ZNF808: variants seen among roughly 807,000 people sequenced by gnomAD.
ZNF808 encodes zinc finger protein 808.
ZNF808 carries 5 observed loss-of-function variants against 8.7 expected under a neutral mutation model. That is an observed-to-expected ratio of 0.58 (90% CI 0.30 to 1.21). The LOEUF (loss-of-function observed/expected upper bound fraction) is 1.21. Ranked by LOEUF, ZNF808 falls within the 50% of genes most tolerant of loss-of-function variation. The pLI is 0.07. For synonymous variants in ZNF808, 380 were observed against 366.0 expected (o/e 1.04, Z -0.44); for missense variants, 1,103 against 1,098.4 (o/e 1.00, Z -0.06).
At chr19:52,536,769 G>C (rs2633513) in intron 2 of ZNF808, among the ~76,000 whole-genome samples, 50,035 of 151,854 alleles carry the variant, frequency 0.33, 8,916 homozygotes, top group East Asian at 0.52. Context: ...CTAGAGAGTG[G>C]GGACAGGGGG....
In ZNF808 at chr19:52,543,280, G is replaced by A. The variant is rs759016359; in HGVS notation, c.-5G>A. 2.5e-6 allele frequency: 4 copies of A among 1,613,528 alleles called. No individual in the cohort carries two copies. The East Asian group carries it at 8.9e-5, about 36-fold the overall frequency. On this transcript the variant is annotated 5_prime_UTR_variant, in exon 3 of 5. Coordinates refer to ENST00000359798, the MANE Select transcript of ZNF808 (RefSeq NM_001039886.4). Reference sequence around the variant, plus strand: ...TTCACATACAGGATTGATTTCTAAAGACTCATGTTACGTGAGGAAGCAGCT... The same window carrying A: ...TTCACATACAGGATTGATTTCTAAAAACTCATGTTACGTGAGGAAGCAGCT...
At chr19:52,536,921 T>C (rs2059617952) in intron 2 of ZNF808, among the ~76,000 whole-genome samples, 1 of 152,156 alleles carries the variant, frequency 6.6e-6, no homozygotes. Context: ...GCGCTTTGGC[T>C]CATGCCTGTA....
chr19:52,528,648 G>A (rs1029017144), intron 1 of ZNF808, among the ~76,000 whole-genome samples: 15 of 152,050 alleles, frequency 9.9e-5, no homozygotes, highest in South Asian at 2.1e-4. Flanking sequence ...GAGAGAGGGA[G>A]GGATTTGGAG....
chr19:52,557,265 C>T (rs535401720), downstream of ZNF808, among the ~76,000 whole-genome samples: 3 of 150,302 alleles, frequency 2.0e-5, no homozygotes, highest in Non-Finnish European at 3.0e-5. Context: ...CACCGTGCCC[C>T]GCCTCTTTTT....
intron 2 of ZNF808, among the ~76,000 whole-genome samples, chr19:52,533,976 G>C (rs1224063483): frequency 6.6e-6 from 1 of 151,748 alleles, no homozygotes; most frequent in Non-Finnish European, 1.5e-5. Flanking sequence ...TCTGAGCCTT[G>C]AGAGGAATGT....
At chr19:52,566,776 C>T (rs775616196), downstream of ZNF808, among the ~76,000 whole-genome samples, 6 of 152,110 alleles carry the variant, frequency 3.9e-5, no homozygotes, top group Non-Finnish European at 7.3e-5. Context: ...TTACTGCTCA[C>T]GCATGACTCA....
downstream of ZNF808, among the ~76,000 whole-genome samples, chr19:52,559,577 C>T (rs999622114): frequency 1.3e-5 from 2 of 152,094 alleles, no homozygotes; most frequent in African/African-American, 2.4e-5. Context: ...TGTACTTTGT[C>T]TCTATGTCTC....
At chr19:52,548,915 C>T (rs1330894853) in intron 4 of ZNF808, among the ~76,000 whole-genome samples, 2 of 151,806 alleles carry the variant, frequency 1.3e-5, no homozygotes, top group East Asian at 3.9e-4. Context: ...GTCAGGAGTT[C>T]GAGTCCAGCT....
intron 2 of ZNF808, among the ~76,000 whole-genome samples, chr19:52,540,912 G>C (rs1490494635): frequency 6.6e-6 from 1 of 152,040 alleles, no homozygotes; most frequent in Non-Finnish European, 1.5e-5. Flanking sequence ...AAGAAGTTTC[G>C]TTTGCTCAGG....
At chr19:52,549,228 C>T (rs1052067130) in intron 4 of ZNF808, among the ~76,000 whole-genome samples, 1 of 152,118 alleles carries the variant, frequency 6.6e-6, no homozygotes, top group Non-Finnish European at 1.5e-5. Flanking sequence ...TGCACCCGCT[C>T]ATCCTCCCAA....
Position 52,554,163 on chromosome 19 carries a change from G to T in ZNF808, c.1247G>T (p.Arg416Leu). ...TTTAATCATCAATCAAGCCTTGCACGTCATCATATACTTCATACTGGAGAG... is the reference window on the plus strand; with the variant it reads ...TTTAATCATCAATCAAGCCTTGCACTTCATCATATACTTCATACTGGAGAG... ...KAFNHQSSLARHHILHTGEKP... is the reference protein window; with the variant it reads ...KAFNHQSSLALHHILHTGEKP... The change falls in exon 5 of 5, where the codon CGT becomes CTT. Residue 416 changes from arginine to leucine, a missense_variant. Arg to Leu is a moderately radical substitution (Grantham distance 102). Coordinates refer to ENST00000359798, the MANE Select transcript of ZNF808 (RefSeq NM_001039886.4). 1.2e-6 allele frequency: 2 copies of T among 1,614,052 alleles called. No individual in the cohort carries two copies. Among genetic ancestry groups the T allele is most frequent in the South Asian group, 1.1e-5 (1 of 91,072 alleles).
rs111992433 is a variant in ZNF808, at chr19:52,547,996, C to T, written c.190+358C>T. ...TCAGGTTATCCGCCCACCTCACCCT[C>T]CCAAAATGCTGGGATTACAGGCGTG... On this transcript the variant is annotated intron_variant, in intron 4 of 4. Transcript: ENST00000359798. Among the ~76,000 whole-genome samples the T allele has an allele frequency of 5.0e-3, 754 of 152,274 alleles. 5 individuals are homozygous for T. Among genetic ancestry groups the T allele is most frequent in the African/African-American group, 0.017 (703 of 41,558 alleles).
chr19:52,546,943 CTT>C (rs1172936091), intron 3 of ZNF808, among the ~76,000 whole-genome samples: 540 of 78,404 alleles, frequency 6.9e-3, no homozygotes, highest in African/African-American at 0.024. Context: ...CCTGGAATTG[CTT>C]TTTTTTTTTT....
In ZNF808 at chr19:52,555,441, C is replaced by T. The variant is rs780334796; in HGVS notation, c.2525C>T (p.Thr842Ile). ...SHLSRHHRIH[T>I]GEKPYKCEAC... ...CTTTCACGTCATCATAGAATTCATA[C>T]TGGAGAGAAACCTTACAAATGTGAA... The change falls in exon 5 of 5, where the codon ACT becomes ATT. Residue 842 changes from threonine (T) to isoleucine (I), a missense_variant. By Grantham distance (89) the Thr-to-Ile change is moderately conservative (BLOSUM62 -1). Transcript: ENST00000359798. The T allele has an allele frequency of 2.0e-5, 33 of 1,614,078 alleles. No homozygotes were observed. The highest frequency in any genetic ancestry group is 2.8e-5 in the Non-Finnish European group (33 of 1,179,966).
At chr19:52,540,788 C>G (rs2059662652) in intron 2 of ZNF808, among the ~76,000 whole-genome samples, 1 of 152,102 alleles carries the variant, frequency 6.6e-6, no homozygotes, top group Non-Finnish European at 1.5e-5. Context: ...GCCTCTTTTT[C>G]AGTGTTTTAA....
chr19:52,559,578 T>G (rs2059849952), downstream of ZNF808, among the ~76,000 whole-genome samples: 2 of 152,152 alleles, frequency 1.3e-5, no homozygotes, highest in African/African-American at 4.8e-5. Flanking sequence ...GTACTTTGTC[T>G]CTATGTCTCT....
chr19:52,533,208 C>T (rs1257638999), intron 2 of ZNF808, among the ~76,000 whole-genome samples, 199 bp downstream of exon 2: 2 of 151,808 alleles, frequency 1.3e-5, no homozygotes, highest in African/African-American at 2.4e-5. Flanking sequence ...TCTTTTATTT[C>T]CTTTTCTGTT....
Position 52,548,251 on chromosome 19 carries a change from C to A in ZNF808, c.190+613C>A, listed in dbSNP as rs550239276. Among the ~76,000 whole-genome samples, 9 of 152,260 alleles carry A rather than the reference C, an allele frequency of 5.9e-5. 1 individual carries two copies. The South Asian group carries it at 1.5e-3, about 25-fold the overall frequency. On this transcript the variant is annotated intron_variant, in intron 4 of 4. Transcript: ENST00000359798. ...ACATTTTTCACACCAATATGTGTCA[C>A]TGTTCATTTTTAACAAGAAAACCTA...
In ZNF808 at chr19:52,553,893, A is replaced by G; in HGVS notation, c.977A>G (p.Gln326Arg). 6.2e-7 allele frequency: 1 copy of G among 1,614,168 alleles called. No homozygotes were observed. Among genetic ancestry groups the G allele is most frequent in the Non-Finnish European group, 8.5e-7 (1 of 1,180,016 alleles). The change falls in exon 5 of 5, where the codon CAA becomes CGA. Residue 326 changes from glutamine to arginine, a missense_variant. Transcript: ENST00000359798. ...KCNECGKVFR[Q>R]NSALVIHKAI... ...AATGAGTGTGGCAAGGTCTTTCGTC[A>G]AAATTCAGCCCTTGTAATTCATAAG...
Sources: allele counts gnomAD v4.1 joint callset (sites outside exome capture counted in the v4.1 genomes callset), GRCh38; gene constraint gnomAD v4.1.1; transcripts MANE v1.5; gene names NCBI Gene and HGNC (gene_info 2026-07-23, HGNC 2026-07-21).